Variants in SPATA6 observed in about 807,000 individuals in gnomAD.
SPATA6 encodes the protein spermatogenesis-associated protein 6.
SPATA6 carries 56 observed loss-of-function variants against 65.3 expected under a neutral mutation model. That is an observed-to-expected ratio of 0.86 (90% confidence interval 0.69 to 1.07). The LOEUF (loss-of-function observed/expected upper bound fraction) is 1.07, where lower values mean the gene tolerates loss of function less well. Among genes scored for constraint, SPATA6 ranks in the 50% least tolerant of loss-of-function variants. SPATA6 has a pLI of 0.00. For synonymous variants in SPATA6, 199 were observed against 213.2 expected (o/e 0.93, Z 0.58); for missense variants, 590 against 594.8 (o/e 0.99, Z 0.08).
At chr1:48,448,536 A>G (rs1020768301) in intron 3 of SPATA6, among the ~76,000 whole-genome samples, 2 of 152,004 alleles carry the variant, frequency 1.3e-5, no homozygotes, top group South Asian at 4.1e-4. Context: ...CAGCTGCAAT[A>G]TATCTTTTCT....
Position 48,399,564 on chromosome 1 carries a change from T to C in SPATA6, c.567A>G (p.Lys189=). Residue 189 remains lysine, a synonymous_variant, in exon 7 of 13, where the codon AAA becomes AAG. Transcript: ENST00000371847. ...LQNRTSRSQK[K]KSKSPERSKY... is the part of the protein sequence containing the mutation. ...TACTTCTCTCAGGTGACTTGGATTT[T>C]TTCTTTTGTGATCTTGATGTTCTGT... The C allele has an allele frequency of 6.2e-7, 1 of 1,613,042 alleles. No individual in the cohort carries two copies. The highest frequency in any genetic ancestry group is 8.5e-7 in the Non-Finnish European group (1 of 1,179,356).
At chr1:48,308,150 C>A (rs1466575908) in intron 11 of SPATA6, among the ~76,000 whole-genome samples, 1 of 151,824 alleles carries the variant, frequency 6.6e-6, no homozygotes. Context: ...TTTTCTATGT[C>A]TTTTTTCATT....
At chr1:48,283,283 T>C in the SPATA6 span, among the ~76,000 whole-genome samples, 5 of 151,712 alleles carry the variant, frequency 3.3e-5, no homozygotes, top group African/African-American at 9.7e-5. Context: ...TGTATACATA[T>C]GTAACTAACC....
intron 11 of SPATA6, among the ~76,000 whole-genome samples, chr1:48,312,026 C>T (rs1038209801): frequency 3.9e-5 from 6 of 152,134 alleles, no homozygotes; most frequent in Non-Finnish European, 7.4e-5. Flanking sequence ...GGGGGAGGGG[C>T]GCCCATTGCC....
chr1:48,279,323 A>C, the SPATA6 span, among the ~76,000 whole-genome samples: 1 of 152,236 alleles, frequency 6.6e-6, no homozygotes, highest in Non-Finnish European at 1.5e-5. Context: ...TCAAATTCAC[A>C]CATAACGATA....
chr1:48,324,925 T>C (rs1387787522), intron 11 of SPATA6, among the ~76,000 whole-genome samples: 1 of 152,188 alleles, frequency 6.6e-6, no homozygotes, highest in Admixed American at 6.5e-5. Context: ...TTGCAGATGA[T>C]GCAATTTTAT....
chr1:48,322,659 C>T (rs1570113219), intron 11 of SPATA6, among the ~76,000 whole-genome samples: 1 of 152,136 alleles, frequency 6.6e-6, no homozygotes, highest in South Asian at 2.1e-4. Flanking sequence ...AAAATTTTTG[C>T]AATCTATCCA....
chr1:48,454,031 T>C (rs1219541013), intron 1 of SPATA6, among the ~76,000 whole-genome samples: 1 of 149,040 alleles, frequency 6.7e-6, no homozygotes, highest in Non-Finnish European at 1.5e-5. Context: ...TTAGATGGGG[T>C]CTCGCTCTGT....
At chr1:48,452,313 A>G (rs1208693744) in intron 2 of SPATA6, among the ~76,000 whole-genome samples, 1 of 152,234 alleles carries the variant, frequency 6.6e-6, no homozygotes, top group Non-Finnish European at 1.5e-5. Context: ...ACAATTGGTC[A>G]TAATTAACCA....
chr1:48,427,434 CAAA>C (rs760835892), intron 3 of SPATA6, among the ~76,000 whole-genome samples: 2 of 67,568 alleles, frequency 3.0e-5, no homozygotes, highest in Non-Finnish European at 3.3e-5. Context: ...AAAATTGAGG[CAAA>C]AAAAAAAAAA....
intron 8 of SPATA6, among the ~76,000 whole-genome samples, chr1:48,391,105 T>G (rs762039495): frequency 1.3e-5 from 2 of 151,596 alleles, no homozygotes; most frequent in Non-Finnish European, 2.9e-5. Flanking sequence ...TGCCTGATAC[T>G]TGTAATCCCA....
rs1645821895 is a variant in SPATA6, at chr1:48,328,312, A to G, written c.1195-22434T>C. ...TTATCGCATAAATGTTGACAGTATT[A>G]TTATTTTTTAGCAGCCAAAAAGTGG... On this transcript the variant is annotated intron_variant, in intron 11 of 12. Transcript: ENST00000371847. 2.0e-5 allele frequency among the ~76,000 whole-genome samples: 3 copies of G among 152,124 alleles called. No individual in the cohort carries two copies. In the South Asian group the frequency reaches 6.2e-4, roughly 31 times the overall value.
At chr1:48,323,268 G>A (rs747387014) in intron 11 of SPATA6, among the ~76,000 whole-genome samples, 7 of 152,238 alleles carry the variant, frequency 4.6e-5, no homozygotes, top group African/African-American at 1.2e-4. Context: ...GTCCTTTGCA[G>A]GGACAGGGAT....
Position 48,453,088 on chromosome 1 carries a change from T to C in SPATA6, c.95A>G (p.Tyr32Cys). Residue 32 changes from tyrosine to cysteine, a missense_variant, in exon 2 of 13, where the codon TAT becomes TGT. Tyr to Cys is a radical substitution (Grantham distance 194, BLOSUM62 -2). Transcript: ENST00000371847. ...GVVLKDKEDI[Y>C]LSICVFGQYK... ...TTGGCCAAACACACAGATGCTAAGA[T>C]AGATGTCCTCTTTGTCTTTAAGCAC... The C allele has an allele frequency of 1.2e-6, 2 of 1,613,868 alleles. No homozygotes were observed. Among genetic ancestry groups the C allele is most frequent in the Non-Finnish European group, 1.7e-6 (2 of 1,179,952 alleles).
At chr1:48,444,672 G>A (rs112812497) in intron 3 of SPATA6, among the ~76,000 whole-genome samples, 11,840 of 152,226 alleles carry the variant, frequency 0.078, 623 homozygotes, top group East Asian at 0.23. Flanking sequence ...GCAGCAACCC[G>A]CTCAGGTCCC....
intron 9 of SPATA6, among the ~76,000 whole-genome samples, chr1:48,375,512 CTGTTT>C (rs1229845469): frequency 6.6e-6 from 1 of 152,096 alleles, no homozygotes; most frequent in African/African-American, 2.4e-5. Context: ...AAACGTTCCT[CTGTTT>C]TGTTTTGTAT....
chr1:48,376,072 T>C (rs940014243), intron 9 of SPATA6, among the ~76,000 whole-genome samples: 1 of 152,204 alleles, frequency 6.6e-6, no homozygotes, highest in African/African-American at 2.4e-5. Context: ...CTTCACATTC[T>C]AATTTGAAAG....
intron 7 of SPATA6, among the ~76,000 whole-genome samples, chr1:48,398,342 T>A (rs896976041): frequency 7.9e-5 from 12 of 151,702 alleles, no homozygotes; most frequent in Non-Finnish European, 1.3e-4. Flanking sequence ...AAATGTTGCT[T>A]AAGACAATAT....
At chr1:48,313,771 C>A (rs907792281) in intron 11 of SPATA6, among the ~76,000 whole-genome samples, 1 of 152,066 alleles carries the variant, frequency 6.6e-6, no homozygotes, top group Non-Finnish European at 1.5e-5. Flanking sequence ...AGAGTCAAGA[C>A]CCATCAGTGT....
Sources: gnomAD v4.1 joint callset for allele counts (sites outside exome capture counted in the v4.1 genomes callset) on GRCh38, gnomAD v4.1.1 for gene constraint, MANE v1.5 for transcripts, NCBI Gene and HGNC (gene_info 2026-07-23, HGNC 2026-07-21) for gene names.